ATRNL1: variants seen among roughly 807,000 people sequenced by gnomAD.
ATRNL1 encodes attractin like 1.
A neutral mutation model predicts 182.7 loss-of-function variants in ATRNL1; 95 were observed. That is an observed-to-expected ratio of 0.52 (90% confidence interval 0.44 to 0.62). ATRNL1 has a LOEUF of 0.62. Among genes scored for constraint, ATRNL1 ranks in the 20% least tolerant of loss-of-function variants. ATRNL1 has a pLI of 0.00. For synonymous variants in ATRNL1, 576 were observed against 568.3 expected, an observed-to-expected ratio of 1.01 and a Z score of -0.19; for missense variants, 1,471 against 1,679.5, an observed-to-expected ratio of 0.88 and a Z score of 2.17.
At chr10:115,798,276 T>C (rs1251534793) in intron 27 of ATRNL1, among the ~76,000 whole-genome samples, 1 of 152,136 alleles carries the variant, frequency 6.6e-6, no homozygotes, top group African/African-American at 2.4e-5. Flanking sequence ...ACTAATCTTG[T>C]TTCTGGAATT....
chr10:115,517,153 TTAA>T (rs1189495418), intron 24 of ATRNL1, among the ~76,000 whole-genome samples: 1 of 151,982 alleles, frequency 6.6e-6, no homozygotes, highest in African/African-American at 2.4e-5. Context: ...GATATGCATG[TTAA>T]TAATTTCTTC....
At chr10:115,311,107 T>G (rs1477553845) in intron 17 of ATRNL1, among the ~76,000 whole-genome samples, 1 of 152,140 alleles carries the variant, frequency 6.6e-6, no homozygotes, top group Non-Finnish European at 1.5e-5. Context: ...TTCATGTATT[T>G]ACATAGTTTT....
chr10:115,298,979 A>G (rs559722845), intron 15 of ATRNL1, among the ~76,000 whole-genome samples: 1 of 152,160 alleles, frequency 6.6e-6, no homozygotes, highest in South Asian at 2.1e-4. Flanking sequence ...CTAGGACTAT[A>G]TGCACATCAT....
chr10:115,152,385 T>C (rs1318624160), intron 5 of ATRNL1, among the ~76,000 whole-genome samples: 2 of 152,222 alleles, frequency 1.3e-5, no homozygotes, highest in Non-Finnish European at 2.9e-5. Context: ...TCCTCTTTTA[T>C]TTCATTGAGC....
intron 25 of ATRNL1, among the ~76,000 whole-genome samples, chr10:115,547,291 T>C (rs1215745921): frequency 1.3e-5 from 2 of 149,804 alleles, no homozygotes; most frequent in African/African-American, 2.4e-5. Flanking sequence ...TAAATATATA[T>C]TTTCAAAATT....
At chr10:115,680,698 A>T (rs1946017569) in intron 26 of ATRNL1, among the ~76,000 whole-genome samples, 1 of 152,174 alleles carries the variant, frequency 6.6e-6, no homozygotes, top group Non-Finnish European at 1.5e-5. Context: ...TGGGTTAATA[A>T]TGTATTTATC....
chr10:115,094,075 G>A (rs760658256), intron 1 of ATRNL1, 32 bp downstream of exon 1: 1 of 1,370,926 alleles, frequency 7.3e-7, no homozygotes, highest in Admixed American at 3.1e-5. Context: ...CGAACCTCCA[G>A]CCCTGCCTCG....
At chr10:115,294,187 T>A (rs1446415963) in intron 15 of ATRNL1, among the ~76,000 whole-genome samples, 1 of 152,212 alleles carries the variant, frequency 6.6e-6, no homozygotes, top group Non-Finnish European at 1.5e-5. Flanking sequence ...TGCTTTTAAG[T>A]CCAGTGATTC....
chr10:115,872,157 A>G (rs1272246049), intron 28 of ATRNL1, among the ~76,000 whole-genome samples: 2 of 152,244 alleles, frequency 1.3e-5, no homozygotes, highest in Admixed American at 6.5e-5. Context: ...CTTATGTGGT[A>G]TATTCTGAAA....
At chr10:115,395,697 C>G (rs1844252602) in intron 20 of ATRNL1, among the ~76,000 whole-genome samples, 1 of 151,688 alleles carries the variant, frequency 6.6e-6, no homozygotes, top group Non-Finnish European at 1.5e-5. Context: ...TACTGCTACT[C>G]TCCTCTCTGT....
intron 21 of ATRNL1, among the ~76,000 whole-genome samples, chr10:115,432,730 T>G (rs1403173709): frequency 6.6e-6 from 1 of 152,078 alleles, no homozygotes; most frequent in Non-Finnish European, 1.5e-5. Flanking sequence ...TTAACTAATT[T>G]TATTGGCCCT....
chr10:115,832,814 C>T (rs1950588237), intron 27 of ATRNL1, among the ~76,000 whole-genome samples: 1 of 152,152 alleles, frequency 6.6e-6, no homozygotes, highest in Admixed American at 6.6e-5. Flanking sequence ...TCCTGCATCT[C>T]TGTCTCAACC....
intron 21 of ATRNL1, among the ~76,000 whole-genome samples, chr10:115,459,991 G>A (rs1270080466): frequency 6.6e-6 from 1 of 152,166 alleles, no homozygotes; most frequent in Non-Finnish European, 1.5e-5. Context: ...AGCTGCATTT[G>A]TCCAAGGTGA....
intron 25 of ATRNL1, among the ~76,000 whole-genome samples, chr10:115,538,664 A>G (rs915371474): frequency 9.9e-5 from 15 of 152,178 alleles, no homozygotes; most frequent in African/African-American, 3.6e-4. Context: ...CATTCTCTTA[A>G]CAGTATCTTT....
intron 25 of ATRNL1, among the ~76,000 whole-genome samples, chr10:115,538,644 A>AT (rs1852179092): frequency 6.6e-6 from 1 of 152,158 alleles, no homozygotes; most frequent in African/African-American, 2.4e-5. Context: ...CAGTCTTTGA[A>AT]TTGTCTTTTC....
intron 26 of ATRNL1, among the ~76,000 whole-genome samples, chr10:115,549,813 T>C (rs1852861606): frequency 6.6e-6 from 1 of 152,044 alleles, no homozygotes; most frequent in Non-Finnish European, 1.5e-5. Flanking sequence ...TAAAAAATTT[T>C]GTAATATATT....
In ATRNL1 at chr10:115,380,736, A is replaced by G. The variant is rs76875702; in HGVS notation, c.3176-13923A>G. On this transcript the variant is annotated intron_variant, in intron 19 of 28. Coordinates refer to ENST00000355044, the MANE Select transcript of ATRNL1 (RefSeq NM_207303.4). ...AATTTTTATTGCCAGACAAAATTCA[A>G]TTATAATATCCAATTCAAATATGGC... 0.01 allele frequency among the ~76,000 whole-genome samples: 1,574 copies of G among 152,302 alleles called. 30 individuals are homozygous for G. The East Asian group carries it at 0.11, about 11-fold the overall frequency.
At chr10:115,575,814 A>G (rs1555004983) in intron 26 of ATRNL1, among the ~76,000 whole-genome samples, 3 of 152,000 alleles carry the variant, frequency 2.0e-5, no homozygotes, top group African/African-American at 4.8e-5. Context: ...ATTTTTAGCT[A>G]TATCCTTCTG....
intron 22 of ATRNL1, 46 bp downstream of exon 22, chr10:115,462,081 T>C: frequency 7.5e-7 from 1 of 1,337,062 alleles, no homozygotes; most frequent in Non-Finnish European, 1.0e-6. Context: ...TTGGACACAA[T>C]TTTTTTTTCA....
Sources: allele counts gnomAD v4.1 joint callset (sites outside exome capture counted in the v4.1 genomes callset), GRCh38; gene constraint gnomAD v4.1.1; transcripts MANE v1.5; gene names NCBI Gene and HGNC (gene_info 2026-07-23, HGNC 2026-07-21).